The following RALGAPA2 variants were observed in gnomAD, a reference collection of about 807,000 sequenced individuals.
RALGAPA2 encodes the protein ral GTPase-activating protein subunit alpha-2.
RALGAPA2 carries 139 observed loss-of-function variants against 230.4 expected under a neutral mutation model. The observed-to-expected ratio is 0.60, with a 90% CI of 0.53 to 0.69. The LOEUF (loss-of-function observed/expected upper bound fraction) is 0.69, where lower values mean the gene tolerates loss of function less well. RALGAPA2 is among the 30% of genes least tolerant of loss of function. The probability of loss-of-function intolerance (pLI) is 0.00; values close to 1 mark genes in which losing one functional copy is unlikely to be tolerated. For synonymous variants in RALGAPA2, 847 were observed against 837.8 expected, an observed-to-expected ratio of 1.01 and a Z score of -0.19; for missense variants, 2,163 against 2,276.0, an observed-to-expected ratio of 0.95 and a Z score of 1.01.
At chr20:20,540,798 G>A (rs1257558324) in intron 24 of RALGAPA2, among the ~76,000 whole-genome samples, 1 of 151,546 alleles carries the variant, frequency 6.6e-6, no homozygotes, top group Non-Finnish European at 1.5e-5. Context: ...TATATTTAAA[G>A]TATATACAAC....
chr20:20,491,756 T>C (rs1375809154), intron 36 of RALGAPA2, among the ~76,000 whole-genome samples: 1 of 152,164 alleles, frequency 6.6e-6, no homozygotes, highest in Non-Finnish European at 1.5e-5. Flanking sequence ...AAAGAATGAT[T>C]GTGTCAATGT....
At chr20:20,476,975 C>T (rs1219012026) in intron 36 of RALGAPA2, among the ~76,000 whole-genome samples, 1 of 152,106 alleles carries the variant, frequency 6.6e-6, no homozygotes, top group Admixed American at 6.5e-5. Context: ...CTAAAAAGTT[C>T]ATACTACATA....
At chr20:20,653,738 T>C (rs1486593592) in intron 3 of RALGAPA2, among the ~76,000 whole-genome samples, 151 bp from the exon 4 acceptor site, 2 of 152,324 alleles carry the variant, frequency 1.3e-5, no homozygotes, top group East Asian at 3.9e-4. Flanking sequence ...TGTATTCCTA[T>C]GAGATAGTTT....
At chr20:20,695,575 A>G (rs2069080844) in intron 1 of RALGAPA2, among the ~76,000 whole-genome samples, 1 of 152,210 alleles carries the variant, frequency 6.6e-6, no homozygotes, top group African/African-American at 2.4e-5. Flanking sequence ...TTCATAGCAC[A>G]CTATAAAAGT....
Position 20,587,426 on chromosome 20 carries a change from T to C in RALGAPA2, c.2439+1842A>G, listed in dbSNP as rs565802038. On this transcript the variant is annotated intron_variant, in intron 18 of 39. Transcript: ENST00000202677. ...GGCATTTCAGATCAATAAAGAAAAATTAATTCAATAAATGGGACCTGACAC... is the reference window on the plus strand; with the variant it reads ...GGCATTTCAGATCAATAAAGAAAAACTAATTCAATAAATGGGACCTGACAC... 2.8e-3 allele frequency among the ~76,000 whole-genome samples: 429 copies of C among 151,880 alleles called. 2 individuals carry two copies. Among genetic ancestry groups the C allele is most frequent in the African/African-American group, 9.9e-3 (411 of 41,460 alleles).
At chr20:20,545,161 G>A (rs1024807889) in intron 24 of RALGAPA2, among the ~76,000 whole-genome samples, 4 of 152,128 alleles carry the variant, frequency 2.6e-5, no homozygotes, top group Non-Finnish European at 5.9e-5. Flanking sequence ...AATGAAGTAT[G>A]AAAAGTTGTC....
intron 37 of RALGAPA2, among the ~76,000 whole-genome samples, chr20:20,433,281 A>G (rs1174240583): frequency 6.6e-6 from 1 of 152,254 alleles, no homozygotes; most frequent in Non-Finnish European, 1.5e-5. Context: ...TAGGCAAACC[A>G]ATATTAGCAA....
intron 1 of RALGAPA2, among the ~76,000 whole-genome samples, chr20:20,701,532 T>G (rs2069362094): frequency 6.7e-6 from 1 of 149,676 alleles, no homozygotes; most frequent in Non-Finnish European, 1.5e-5. Context: ...AGGTCAGGAG[T>G]TCAAGAAGAG....
At position 20,571,895 on chromosome 20, in the gene RALGAPA2, G is replaced by A. The variant is rs2064653601; in HGVS notation, c.2953C>T (p.Pro985Ser). 7.4e-6 allele frequency: 12 copies of A among 1,612,060 alleles called. No homozygotes were observed. Among genetic ancestry groups the A allele is most frequent in the Non-Finnish European group, 1.0e-5 (12 of 1,178,938 alleles). ...ATTCTGAGTGGTGGGATCAAAACTG[G>A]AGGAGATGGAGAAGACTGGTTATCC... ...SLDNQSSPSP[P>S]VLIPPLRMFA... Residue 985 changes from proline to serine, a missense_variant, in exon 22 of 40, where the codon CCA becomes TCA. Transcript: ENST00000202677.
intron 24 of RALGAPA2, among the ~76,000 whole-genome samples, chr20:20,545,380 T>C (rs2063753335): frequency 6.6e-6 from 1 of 152,202 alleles, no homozygotes; most frequent in Non-Finnish European, 1.5e-5. Flanking sequence ...TCTTCTCTTT[T>C]ACCTTTCTTC....
At chr20:20,606,962 C>CT (rs1342905646) in intron 14 of RALGAPA2, among the ~76,000 whole-genome samples, 9 of 152,176 alleles carry the variant, frequency 5.9e-5, no homozygotes, top group African/African-American at 2.2e-4. Context: ...GCCACAAATG[C>CT]TTTCCTAAGC....
intron 38 of RALGAPA2, among the ~76,000 whole-genome samples, chr20:20,410,476 C>T (rs980255761): frequency 6.6e-6 from 1 of 152,124 alleles, no homozygotes; most frequent in African/African-American, 2.4e-5. Flanking sequence ...AAATCAAGTC[C>T]TCACGAAGAG....
At position 20,566,425 on chromosome 20, in the gene RALGAPA2, A is replaced by G. The variant is rs1368604030; in HGVS notation, c.3156+5033T>C. On this transcript the variant is annotated intron_variant, in intron 23 of 39. Coordinates refer to ENST00000202677, the MANE Select transcript of RALGAPA2 (RefSeq NM_020343.4). ...CAGCACAGGGAGTGGTTATTTCTCC[A>G]CACGTTGTAAAATTCCACAATGCCT... Among the ~76,000 whole-genome samples the G allele has an allele frequency of 2.0e-5, 3 of 152,350 alleles. No individual in the cohort carries two copies. In the East Asian group the frequency reaches 5.8e-4, roughly 29 times the overall value.
chr20:20,469,168 G>A (rs552736499), intron 37 of RALGAPA2, among the ~76,000 whole-genome samples: 59 of 152,256 alleles, frequency 3.9e-4, no homozygotes, highest in African/African-American at 1.3e-3. Context: ...AAATGTTGAC[G>A]AATGCTAACT....
At chr20:20,473,836 C>T (rs1051204355) in intron 36 of RALGAPA2, among the ~76,000 whole-genome samples, 2 of 152,168 alleles carry the variant, frequency 1.3e-5, no homozygotes, top group Admixed American at 1.3e-4. Flanking sequence ...TACATGAGCT[C>T]CATGAGATCA....
At chr20:20,436,296 C>T (rs1239959549) in intron 37 of RALGAPA2, among the ~76,000 whole-genome samples, 2 of 152,134 alleles carry the variant, frequency 1.3e-5, no homozygotes, top group African/African-American at 4.8e-5. Context: ...CTTCCATGTT[C>T]CAAGTAAATC....
At chr20:20,644,460 T>G (rs1053012346) in intron 4 of RALGAPA2, among the ~76,000 whole-genome samples, 9 of 152,160 alleles carry the variant, frequency 5.9e-5, no homozygotes, top group Non-Finnish European at 1.3e-4. Context: ...ACAGCTACAT[T>G]GATAAATACA....
chr20:20,530,712 TG>T (rs983241210), intron 27 of RALGAPA2, among the ~76,000 whole-genome samples: 3 of 152,218 alleles, frequency 2.0e-5, no homozygotes, highest in Non-Finnish European at 1.5e-5. Context: ...TGAATGCTGG[TG>T]TTAGGTGGAT....
At chr20:20,458,411 G>A (rs200298838) in intron 37 of RALGAPA2, among the ~76,000 whole-genome samples, 1 of 137,594 alleles carries the variant, frequency 7.3e-6, no homozygotes, top group Non-Finnish European at 1.5e-5. Flanking sequence ...TATAATATAT[G>A]TTATATATAA....
Sources: gnomAD v4.1 joint callset for allele counts (sites outside exome capture counted in the v4.1 genomes callset) on GRCh38, gnomAD v4.1.1 for gene constraint, MANE v1.5 for transcripts, NCBI Gene and HGNC (gene_info 2026-07-23, HGNC 2026-07-21) for gene names.